The following LINGO2 variants were observed in gnomAD, a reference collection of about 807,000 sequenced individuals.
The protein encoded by LINGO2 is leucine-rich repeat and immunoglobulin-like domain-containing nogo receptor-interacting protein 2.
A neutral mutation model predicts 30.6 loss-of-function variants in LINGO2; 14 were observed. That is an observed-to-expected ratio of 0.46 (90% CI 0.30 to 0.72). The LOEUF is 0.72. Among genes scored for constraint, LINGO2 ranks in the 30% least tolerant of loss-of-function variants. The pLI is 0.07. For missense variants in LINGO2, 729 were observed against 751.7 expected, an observed-to-expected ratio of 0.97 and a Z score of 0.35; for synonymous variants, 317 against 288.5, an observed-to-expected ratio of 1.10 and a Z score of -1.00.
rs1449636082 is a variant in LINGO2 at position 28,557,019 on chromosome 9, CG to C, written c.-364-80995del. ...ATTCAAGATGGATTAAAGACTTAAA[CG>C]TTAGACCTAAAACCATAAAAACCCT... is the stretch of plus-strand genomic sequence containing the variant. On this transcript the variant is annotated intron_variant, in intron 1 of 5. Transcript: ENST00000379992. Among the ~76,000 whole-genome samples the C allele has an allele frequency of 6.4e-4, 97 of 151,376 alleles. 1 individual carries two copies. Among genetic ancestry groups the C allele is most frequent in the Middle Eastern group, 6.8e-3 (2 of 294 alleles).
intron 1 of LINGO2, among the ~76,000 whole-genome samples, chr9:28,521,389 CTT>C (rs1408251702): frequency 6.6e-6 from 1 of 152,128 alleles, no homozygotes; most frequent in Non-Finnish European, 1.5e-5. Context: ...AGGGTTCCTA[CTT>C]ACAATGCCAA....
chr9:29,162,071 C>T, the LINGO2 span, among the ~76,000 whole-genome samples: 6 of 152,092 alleles, frequency 3.9e-5, no homozygotes, highest in Non-Finnish European at 8.8e-5. Context: ...AGGCACCCGC[C>T]ATCACGCATG....
At chr9:28,784,056 C>A in the LINGO2 span, among the ~76,000 whole-genome samples, 2 of 152,182 alleles carry the variant, frequency 1.3e-5, no homozygotes, top group African/African-American at 2.4e-5. Flanking sequence ...TTTATAATTT[C>A]ATCCTATTAG....
At chr9:28,547,514 A>G (rs951379072) in intron 1 of LINGO2, among the ~76,000 whole-genome samples, 13 of 152,152 alleles carry the variant, frequency 8.5e-5, no homozygotes, top group African/African-American at 3.1e-4. Flanking sequence ...TAAACTACAT[A>G]TAAAACAACT....
At chr9:28,293,106 TA>T (rs1823794743) in intron 4 of LINGO2, among the ~76,000 whole-genome samples, 1 of 151,816 alleles carries the variant, frequency 6.6e-6, no homozygotes, top group African/African-American at 2.4e-5. Context: ...TTTATTTATT[TA>T]TTTTTTTATA....
the LINGO2 span, among the ~76,000 whole-genome samples, chr9:28,700,119 C>T: frequency 3.9e-5 from 6 of 152,076 alleles, no homozygotes; most frequent in South Asian, 8.3e-4. Flanking sequence ...TTTTGTGGCT[C>T]AGGTGGGCAT....
In LINGO2 at chr9:28,559,860, G is replaced by T. The variant is rs116067461; in HGVS notation, c.-364-83835C>A. ...TTAGTGTACCTCAACTGGATCTGAGGCTGGAATCTAGGAAAAACAGAGAAT... is the reference window on the plus strand; with the variant it reads ...TTAGTGTACCTCAACTGGATCTGAGTCTGGAATCTAGGAAAAACAGAGAAT... On this transcript the variant is annotated intron_variant, in intron 1 of 5. Transcript: ENST00000379992. 2.0e-3 allele frequency among the ~76,000 whole-genome samples: 298 copies of T among 152,016 alleles called. 2 individuals are homozygous for T. Among genetic ancestry groups the T allele is most frequent in the African/African-American group, 6.9e-3 (287 of 41,526 alleles).
chr9:28,189,832 G>C (rs1471145081), intron 4 of LINGO2, among the ~76,000 whole-genome samples: 1 of 152,198 alleles, frequency 6.6e-6, no homozygotes, highest in South Asian at 2.1e-4. Context: ...CAGCCACTCT[G>C]GTTCTGTGTG....
intron 2 of LINGO2, among the ~76,000 whole-genome samples, chr9:28,398,012 C>T (rs1822123122): frequency 6.6e-6 from 1 of 152,124 alleles, no homozygotes; most frequent in Non-Finnish European, 1.5e-5. Flanking sequence ...AAAAGTCATA[C>T]ATTGAGAATA....
chr9:28,413,850 T>C (rs1822867482), intron 2 of LINGO2, among the ~76,000 whole-genome samples: 1 of 152,140 alleles, frequency 6.6e-6, no homozygotes, highest in Non-Finnish European at 1.5e-5. Flanking sequence ...ATTCTGTTAC[T>C]AATGTTAATT....
the LINGO2 span, among the ~76,000 whole-genome samples, chr9:28,777,546 G>A: frequency 6.6e-6 from 1 of 152,174 alleles, no homozygotes; most frequent in Non-Finnish European, 1.5e-5. Flanking sequence ...TGCCAGTGAG[G>A]TGTTTATACA....
chr9:28,743,846 A>T, the LINGO2 span, among the ~76,000 whole-genome samples: 2 of 151,776 alleles, frequency 1.3e-5, no homozygotes, highest in Non-Finnish European at 2.9e-5. Flanking sequence ...GGATACATAG[A>T]ATAAGATTTT....
chr9:28,243,469 A>AAAGAAG (rs60542220), intron 4 of LINGO2, among the ~76,000 whole-genome samples: 48 of 145,194 alleles, frequency 3.3e-4, no homozygotes, highest in African/African-American at 7.2e-4. Context: ...AAAAATAAAA[A>AAAGAAG]AAGAAGAAGA....
At chr9:28,536,504 C>T (rs1449740770) in intron 1 of LINGO2, among the ~76,000 whole-genome samples, 1 of 152,034 alleles carries the variant, frequency 6.6e-6, no homozygotes, top group Non-Finnish European at 1.5e-5. Flanking sequence ...CAGCCCCTTA[C>T]CCATAGCCAG....
intron 4 of LINGO2, among the ~76,000 whole-genome samples, chr9:28,038,911 C>T (rs973288911): frequency 1.3e-5 from 2 of 152,192 alleles, no homozygotes; most frequent in African/African-American, 4.8e-5. Flanking sequence ...CATAGTTGTT[C>T]GCTCTCTAGA....
the LINGO2 span, among the ~76,000 whole-genome samples, chr9:28,927,485 G>C: frequency 1.3e-5 from 2 of 152,156 alleles, no homozygotes; most frequent in Admixed American, 6.5e-5. Flanking sequence ...AAAAGAGAAG[G>C]ATTTAAATAA....
At chr9:28,326,260 C>A (rs1321665369) in intron 3 of LINGO2, among the ~76,000 whole-genome samples, 1 of 152,208 alleles carries the variant, frequency 6.6e-6, no homozygotes, top group Non-Finnish European at 1.5e-5. Context: ...CCACCTTGGC[C>A]TCCCAAAGTG....
intron 3 of LINGO2, among the ~76,000 whole-genome samples, chr9:28,349,753 G>T (rs1424796489): frequency 6.7e-6 from 1 of 150,032 alleles, no homozygotes. Flanking sequence ...CAGAGAGAAA[G>T]GTCGGGTTAC....
the LINGO2 span, among the ~76,000 whole-genome samples, chr9:29,043,673 C>T: frequency 6.6e-6 from 1 of 151,996 alleles, no homozygotes; most frequent in Non-Finnish European, 1.5e-5. Context: ...AAGTAAACTA[C>T]ATGGTAGTTG....
Sources: allele counts gnomAD v4.1 joint callset (sites outside exome capture counted in the v4.1 genomes callset), GRCh38; gene constraint gnomAD v4.1.1; transcripts MANE v1.5; gene names NCBI Gene and HGNC (gene_info 2026-07-23, HGNC 2026-07-21).